The following PRKD3 variants were observed in gnomAD, a reference collection of about 807,000 sequenced individuals.
The protein encoded by PRKD3 is serine/threonine-protein kinase D3.
In PRKD3, 47 loss-of-function variants were observed where a neutral mutation model predicts 99.2. That is an observed-to-expected ratio of 0.47 (90% CI 0.38 to 0.60). The LOEUF is 0.60. PRKD3 is among the 20% of genes least tolerant of loss of function. The pLI is 0.00. For synonymous variants in PRKD3, 392 were observed against 355.4 expected (o/e 1.10, Z -1.16); for missense variants, 1,019 against 1,088.4 (o/e 0.94, Z 0.90).
Position 37,256,912 on chromosome 2 carries a change from A to T in PRKD3, c.2163T>A (p.Phe721Leu). Residue 721 changes from phenylalanine (F) to leucine (L), a missense_variant, in exon 17 of 19, where the codon TTT becomes TTA. Physicochemically the swap from Phe to Leu is conservative, Grantham distance 22 (BLOSUM62 0). This residue lies in a region of PRKD3 where 184 missense variants were observed against 275.1 expected (regional missense o/e 0.67). Transcript: ENST00000234179. ...EPFPQVKLCD[F>L]GFARIIGEKS... ...TTTCACCAATGATGCGTGCAAATCC[A>T]AAGTCACACAGCTTCACCTGGAAAT... 1.9e-6 allele frequency: 3 copies of T among 1,614,098 alleles called. No individual in the cohort carries two copies. Among genetic ancestry groups the T allele is most frequent in the Non-Finnish European group, 2.5e-6 (3 of 1,179,960 alleles).
Position 37,282,559 on chromosome 2 carries a change from T to G in PRKD3, c.971A>C (p.Glu324Ala). ...ASKVPRDCLG[E>A]VTFNGEPSSL... is the part of the protein sequence containing the mutation. ...AATTTTACCTCCATTGAAAGTAACCTCTCCAAGGCAGTCTCTTGGTACTTT... is the reference window on the plus strand; with the variant it reads ...AATTTTACCTCCATTGAAAGTAACCGCTCCAAGGCAGTCTCTTGGTACTTT... The change falls in exon 7 of 19, where the codon GAG (glutamate) becomes GCG (alanine). Residue 324 changes from glutamate to alanine, a missense_variant. Physicochemically the swap from Glu to Ala is moderately radical, Grantham distance 107. This residue lies in a region of PRKD3 where 710 missense variants were observed against 692.7 expected (regional missense o/e 1.02). Coordinates refer to ENST00000234179, the MANE Select transcript of PRKD3 (RefSeq NM_005813.6). 1 of 1,591,474 alleles carries G rather than the reference T, an allele frequency of 6.3e-7. No individual in the cohort carries two copies.
intron 1 of PRKD3, among the ~76,000 whole-genome samples, chr2:37,321,979 C>T (rs1671903268): frequency 6.6e-6 from 1 of 152,160 alleles, no homozygotes; most frequent in African/African-American, 2.4e-5. Context: ...AAATGCTTTT[C>T]CTATTGGAAT....
In PRKD3 at chr2:37,277,857, A is replaced by G. The variant is rs768024744; in HGVS notation, c.1296+9T>C. 6.2e-7 allele frequency: 1 copy of G among 1,609,684 alleles called. No homozygotes were observed. The highest frequency in any genetic ancestry group is 1.7e-5 in the Admixed American group (1 of 58,962). On this transcript the variant is annotated intron_variant, in intron 9 of 18. Transcript: ENST00000234179. ...TTACTAGCATATTCAAATGTATTTG[A>G]TTACTGACCAGGTTATCCCTGCTGG...
chr2:37,274,372 G>A, intron 11 of PRKD3, 49 bp downstream of exon 11: 2 of 1,594,502 alleles, frequency 1.3e-6, no homozygotes, highest in South Asian at 1.1e-5. Context: ...CCCACAAAAT[G>A]CTTAAGAATT....
intron 1 of PRKD3, among the ~76,000 whole-genome samples, chr2:37,323,574 C>T (rs571982146): frequency 6.6e-6 from 1 of 152,080 alleles, no homozygotes; most frequent in African/African-American, 2.4e-5. Flanking sequence ...AAAAACTGGC[C>T]TAGATCTCAG....
intron 2 of PRKD3, among the ~76,000 whole-genome samples, chr2:37,309,755 G>A (rs991298368): frequency 6.6e-6 from 1 of 150,886 alleles, no homozygotes; most frequent in Non-Finnish European, 1.5e-5. Context: ...GGCTGACGCA[G>A]GAGAATCCCT....
intron 2 of PRKD3, among the ~76,000 whole-genome samples, chr2:37,301,227 A>C (rs1395072873): frequency 6.6e-6 from 1 of 152,230 alleles, no homozygotes; most frequent in Admixed American, 6.5e-5. Flanking sequence ...CCATAAACAA[A>C]AATACTTTAT....
intron 6 of PRKD3, among the ~76,000 whole-genome samples, chr2:37,284,007 GT>G (rs1354646378): frequency 6.6e-6 from 1 of 151,328 alleles, no homozygotes; most frequent in Non-Finnish European, 1.5e-5. Context: ...CCTTACCCAT[GT>G]TTTTATTAAT....
chr2:37,268,402 T>C (rs1322244611), intron 13 of PRKD3: 6 of 467,952 alleles, frequency 1.3e-5, no homozygotes, highest in Admixed American at 2.4e-5. Flanking sequence ...ATATTATATA[T>C]GCATGCAGAG....
chr2:37,278,081 A>G, intron 8 of PRKD3, 92 bp from the exon 9 acceptor site: 1 of 1,130,742 alleles, frequency 8.8e-7, no homozygotes, highest in South Asian at 2.2e-5. Context: ...AAGACAACTG[A>G]GCTAAAATTT....
rs1244135868 is a variant in PRKD3 at position 37,257,482 on chromosome 2, G to A, written c.2146-553C>T. Among the ~76,000 whole-genome samples the A allele has an allele frequency of 4.6e-5, 7 of 151,840 alleles. No homozygotes were observed. In the South Asian group the frequency reaches 8.3e-4, roughly 18 times the overall value. ...AGATTGAGACCATCCTGGCTAATGC[G>A]GTGAAACCCCGTCTCTACTGAAGAT... On this transcript the variant is annotated intron_variant, in intron 16 of 18. Transcript: ENST00000234179.
At chr2:37,305,573 T>C (rs1034305271) in intron 2 of PRKD3, among the ~76,000 whole-genome samples, 1 of 152,242 alleles carries the variant, frequency 6.6e-6, no homozygotes, top group African/African-American at 2.4e-5. Context: ...GCATCAGAAA[T>C]TGTGCAAAGC....
intron 14 of PRKD3, 77 bp from the exon 15 acceptor site, chr2:37,260,461 G>T: frequency 7.7e-7 from 1 of 1,303,700 alleles, no homozygotes; most frequent in Non-Finnish European, 1.1e-6. Context: ...TGCTATGATT[G>T]TCTGAAATGG....
chr2:37,259,660 G>C lies in PRKD3; in HGVS notation c.2068C>G (p.Leu690Val), dbSNP rs1441618934. Residue 690 changes from leucine (L) to valine (V), a missense_variant, in exon 16 of 19, where the codon CTG (leucine) becomes GTG (valine). This residue lies in a region of PRKD3 where 184 missense variants were observed against 275.1 expected (regional missense o/e 0.67). Transcript: ENST00000234179. ...VTQILVALRN[L>V]HFKNIVHCDL... The stretch of plus-strand genomic sequence containing the variant: ...CAGTGCACAATATTCTTAAAATGCA[G>C]ATTCCTCAAAGCAACAAGTATCTGT... 6.2e-7 allele frequency: 1 copy of C among 1,612,300 alleles called. No individual in the cohort carries two copies. Among genetic ancestry groups the C allele is most frequent in the Non-Finnish European group, 8.5e-7 (1 of 1,178,616 alleles).
At chr2:37,311,983 T>C (rs1243313562) in intron 2 of PRKD3, among the ~76,000 whole-genome samples, 2 of 152,262 alleles carry the variant, frequency 1.3e-5, no homozygotes, top group African/African-American at 2.4e-5. Context: ...ACCTTGCAAC[T>C]ACATGCATCG....
rs397872003 is a variant in PRKD3 at position 37,283,900 on chromosome 2, C to CAAA, written c.911-1284_911-1282dup. Among the ~76,000 whole-genome samples, 147 of 89,618 alleles carry CAAA rather than the reference C, an allele frequency of 1.6e-3. 1 individual carries two copies. The highest frequency in any genetic ancestry group is 5.8e-3 in the African/African-American group (141 of 24,228). The allele number at this position is 89,618 out of a possible 152,430, so 58.8% of individuals were successfully genotyped here. On this transcript the variant is annotated intron_variant, in intron 6 of 18. Transcript: ENST00000234179. Reference sequence around the variant, plus strand: ...TGGGCGACAGAGCAAGACTCTGTCTCAAAAAAAAAAAAAAAAAAAAATTCA... The same window carrying CAAA: ...TGGGCGACAGAGCAAGACTCTGTCTCAAAAAAAAAAAAAAAAAAAAAAAATTCA...
At chr2:37,253,583 A>G (rs1667689594) in intron 18 of PRKD3, among the ~76,000 whole-genome samples, 1 of 152,208 alleles carries the variant, frequency 6.6e-6, no homozygotes, top group Non-Finnish European at 1.5e-5. Context: ...TAATTTCTGA[A>G]ATTAAAAAAA....
At chr2:37,269,759 A>C in intron 12 of PRKD3, 72 bp from the exon 13 acceptor site, 3 of 1,057,586 alleles carry the variant, frequency 2.8e-6, no homozygotes, top group Admixed American at 2.2e-5. Flanking sequence ...GACTTTCTTC[A>C]TCCAAATACT....
rs115637897 is a variant in PRKD3 at position 37,257,176 on chromosome 2, C to T, written c.2146-247G>A. Among the ~76,000 whole-genome samples the T allele has an allele frequency of 4.5e-3, 680 of 152,212 alleles. 5 individuals are homozygous for T. Among genetic ancestry groups the T allele is most frequent in the African/African-American group, 0.015 (621 of 41,540 alleles). ...GTACATATTTCAAAAGTTCTAGCTT[C>T]CAGAATACCAAATACCAGACTGGTG... is the stretch of plus-strand genomic sequence containing the variant. On this transcript the variant is annotated intron_variant, in intron 16 of 18. Coordinates refer to ENST00000234179, the MANE Select transcript of PRKD3 (RefSeq NM_005813.6).
Sources: gnomAD v4.1 joint callset for allele counts (sites outside exome capture counted in the v4.1 genomes callset) on GRCh38, gnomAD v4.1.1 for gene constraint, gnomAD v4.1.1 regional missense constraint, MANE v1.5 for transcripts, NCBI Gene and HGNC (gene_info 2026-07-23, HGNC 2026-07-21) for gene names.